Variants in TAB2 observed in about 807,000 individuals in gnomAD.
TAB2 encodes the protein TGF-beta activated kinase 1 (MAP3K7) binding protein 2, also known as TGF-beta-activated kinase 1 and MAP3K7-binding protein 2.
TAB2 carries 3 observed loss-of-function variants against 65.0 expected under a neutral mutation model. The ratio of observed to expected loss-of-function variants is 0.05; its 90% CI spans 0.02 to 0.12. The LOEUF (loss-of-function observed/expected upper bound fraction) is 0.12, where lower values mean the gene tolerates loss of function less well. Among genes scored for constraint, TAB2 ranks in the 10% least tolerant of loss-of-function variants. TAB2 has a pLI of 1.00. For synonymous variants in TAB2, 298 were observed against 285.1 expected (o/e 1.05, Z -0.46); for missense variants, 623 against 840.3 (o/e 0.74, Z 3.20).
chr6:149,234,881 A>AAAAAAC lies in TAB2; in HGVS notation c.-121+16105_-121+16106insAAAAAC, dbSNP rs553505517. On this transcript the variant is annotated intron_variant, in intron 1 of 1. Coordinates refer to the TAB2 transcript ENST00000606202. ...GAGAGTGTGAAAAAAAAAAAAAAAA[A>AAAAAAC]CACACTCTTTTTAAAAAATGGCATT... Among the ~76,000 whole-genome samples, 41 of 147,936 alleles carry AAAAAAC rather than the reference A, an allele frequency of 2.8e-4. 1 individual carries two copies. Among genetic ancestry groups the AAAAAAC allele is most frequent in the African/African-American group, 9.9e-4 (39 of 39,526 alleles).
At position 149,251,983 on chromosome 6, in the gene TAB2, CA is replaced by C. The variant is rs199498884; in HGVS notation, c.-121+33214del. Among the ~76,000 whole-genome samples the C allele has an allele frequency of 2.8e-4, 42 of 150,004 alleles. 1 individual carries two copies. The highest frequency in any genetic ancestry group is 1.8e-3 in the East Asian group (9 of 5,052). On this transcript the variant is annotated intron_variant, in intron 1 of 1. Transcript: ENST00000606202. ...CTTGTTTTGTTTTCTTTTTTATAAA[CA>C]AAAAAATATATAAGGAATAATTTAT...
At chr6:149,398,172 T>G in intron 5 of TAB2, 110 bp downstream of exon 5, 1 of 945,456 alleles carries the variant, frequency 1.1e-6, no homozygotes, top group Non-Finnish European at 1.7e-6. Flanking sequence ...TCAGAACATG[T>G]GGCTTTGGAG....
At chr6:149,390,430 T>C (rs1035678209) in intron 3 of TAB2, among the ~76,000 whole-genome samples, 1 of 152,206 alleles carries the variant, frequency 6.6e-6, no homozygotes, top group Admixed American at 6.5e-5. Flanking sequence ...ATATGTCTTT[T>C]CTCAGTAAGC....
At position 149,278,177 on chromosome 6, in the gene TAB2, C is replaced by T. The variant is rs141426284; in HGVS notation, c.-121+59401C>T. ...AGCTAGGTTACTATAATTATCATTC[C>T]AAGCAACATATTATTTGTACCTGTT... On this transcript the variant is annotated intron_variant, in intron 1 of 1. Coordinates refer to the TAB2 transcript ENST00000606202. Among the ~76,000 whole-genome samples, 7 of 152,178 alleles carry T rather than the reference C, an allele frequency of 4.6e-5. No homozygotes were observed. The East Asian group carries it at 1.4e-3, about 29-fold the overall frequency.
intron 1 of TAB2, among the ~76,000 whole-genome samples, chr6:149,266,200 G>A (rs542984850): frequency 4.3e-4 from 66 of 152,314 alleles, no homozygotes; most frequent in African/African-American, 1.5e-3. Flanking sequence ...TGTGTGAACC[G>A]TACAAGGACT....
At chr6:149,265,575 C>T (rs2114671227) in intron 1 of TAB2, among the ~76,000 whole-genome samples, 1 of 152,218 alleles carries the variant, frequency 6.6e-6, no homozygotes, top group South Asian at 2.1e-4. Flanking sequence ...CCTGCAACCA[C>T]TCACCCCTTC....
chr6:149,254,027 G>GAAAGA (rs1777938179), intron 1 of TAB2, among the ~76,000 whole-genome samples: 2 of 131,534 alleles, frequency 1.5e-5, no homozygotes, highest in African/African-American at 5.8e-5. Context: ...AGAAAGAAAA[G>GAAAGA]AAAGAAAGAG....
chr6:149,348,859 C>T (rs1780391911), intron 1 of TAB2, among the ~76,000 whole-genome samples: 2 of 151,496 alleles, frequency 1.3e-5, no homozygotes, highest in South Asian at 2.1e-4. Context: ...CCAGCTTAGT[C>T]AGGAGGCTAA....
At chr6:149,312,998 A>G (rs1779191807), upstream of TAB2, among the ~76,000 whole-genome samples, 1 of 151,626 alleles carries the variant, frequency 6.6e-6, no homozygotes, top group Non-Finnish European at 1.5e-5. Flanking sequence ...TGTACTCTCA[A>G]TTTTTCACCT....
At chr6:149,357,869 T>G (rs573891992) in intron 1 of TAB2, among the ~76,000 whole-genome samples, 20 of 152,052 alleles carry the variant, frequency 1.3e-4, no homozygotes, top group Non-Finnish European at 2.9e-4. Flanking sequence ...CCGGCTGATT[T>G]TTTGTATTTT....
At chr6:149,243,603 G>A (rs1306173796) in intron 1 of TAB2, 1 of 152,244 alleles carries the variant, frequency 6.6e-6, no homozygotes, top group Non-Finnish European at 1.5e-5. Flanking sequence ...AGGATAGGCA[G>A]TACTTTCACC....
At position 149,317,871 on chromosome 6, in the gene TAB2, C is replaced by T. The variant is rs1204647409; in HGVS notation, c.-234C>T. 1.8e-5 allele frequency: 3 copies of T among 165,332 alleles called. No individual in the cohort carries two copies. The highest frequency in any genetic ancestry group is 3.7e-4 in the East Asian group (2 of 5,338). 10.2% of individuals were successfully genotyped at this position (165,332 alleles called of 1,614,324 possible). On this transcript the variant is annotated 5_prime_UTR_variant, in exon 1 of 7. Coordinates refer to ENST00000637181, the MANE Select transcript of TAB2 (RefSeq NM_001292034.3). The surrounding 1 kb of genome is among the most constrained non-coding windows in gnomAD (Gnocchi z 4.7). The stretch of plus-strand genomic sequence containing the variant: ...GGGGAGGGAGGGAGGGCTGAGGTGT[C>T]CCCCCTGCCGGGTGGAACCGGAGGC...
At chr6:149,275,981 G>A (rs1386538539) in intron 1 of TAB2, among the ~76,000 whole-genome samples, 1 of 152,212 alleles carries the variant, frequency 6.6e-6, no homozygotes. Context: ...GAAACAGAAA[G>A]AGGACATTAG....
intron 3 of TAB2, among the ~76,000 whole-genome samples, chr6:149,382,637 A>G (rs1781651735): frequency 6.6e-6 from 1 of 152,104 alleles, no homozygotes; most frequent in Admixed American, 6.5e-5. Context: ...AGAGAAGCCC[A>G]CAATGTTAAC....
At chr6:149,225,201 G>A (rs907918159) in intron 1 of TAB2, among the ~76,000 whole-genome samples, 2 of 152,146 alleles carry the variant, frequency 1.3e-5, no homozygotes, top group African/African-American at 4.8e-5. Flanking sequence ...CGAAAAGCAG[G>A]CAACAGGAAC....
intron 6 of TAB2, among the ~76,000 whole-genome samples, chr6:149,406,507 G>C (rs764070908): frequency 6.6e-6 from 1 of 152,168 alleles, no homozygotes; most frequent in Non-Finnish European, 1.5e-5. Flanking sequence ...CTGGGTTTTA[G>C]ACAAGTGGCT....
Position 149,378,557 on chromosome 6 carries a change from T to C in TAB2, c.642T>C (p.Tyr214=), listed in dbSNP as rs1419651286. 1 of 1,613,910 alleles carries C rather than the reference T, an allele frequency of 6.2e-7. No individual in the cohort carries two copies. Among genetic ancestry groups the C allele is most frequent in the East Asian group, 2.2e-5 (1 of 44,904 alleles). ...VLNSPQGNSI[Y]IRPYITTPGG... ...ACAGTCCACAGGGAAATTCTATCTA[T>C]ATTAGGCCTTACATTACAACTCCTG... The change falls in exon 3 of 7, where the codon TAT becomes TAC. Residue 214 remains tyrosine, a synonymous_variant. Coordinates refer to ENST00000637181, the MANE Select transcript of TAB2 (RefSeq NM_001292034.3).
At chr6:149,226,417 C>A (rs1032009370) in intron 1 of TAB2, among the ~76,000 whole-genome samples, 1 of 152,190 alleles carries the variant, frequency 6.6e-6, no homozygotes, top group African/African-American at 2.4e-5. Flanking sequence ...TAACTGGCAT[C>A]CATAATCCTC....
intron 1 of TAB2, chr6:149,243,852 T>C (rs1777648242): frequency 6.6e-6 from 1 of 152,258 alleles, no homozygotes; most frequent in Admixed American, 6.5e-5. Flanking sequence ...TCTCTTATTA[T>C]ACTGTGAAAT....
Sources: gnomAD v4.1 joint callset for allele counts (sites outside exome capture counted in the v4.1 genomes callset) on GRCh38, gnomAD v4.1.1 for gene constraint, Gnocchi (gnomAD v3.1) non-coding constraint, MANE v1.5 for transcripts, NCBI Gene and HGNC (gene_info 2026-07-23, HGNC 2026-07-21) for gene names.